Variants in CHAF1A observed in about 807,000 individuals in gnomAD.
CHAF1A encodes chromatin assembly factor 1 subunit A.
A neutral mutation model predicts 93.2 loss-of-function variants in CHAF1A; 5 were observed. The observed-to-expected ratio is 0.05, with a 90% confidence interval of 0.03 to 0.11. CHAF1A has a LOEUF of 0.11. Among genes scored for constraint, CHAF1A ranks in the 10% least tolerant of loss-of-function variants. CHAF1A has a pLI of 1.00. For missense variants in CHAF1A, 1,102 were observed against 1,259.9 expected (o/e 0.87, Z 1.90); for synonymous variants, 504 against 510.3 (o/e 0.99, Z 0.17).
chr19:4,445,782 G>A (rs999297813), downstream of CHAF1A: 19 of 1,246,822 alleles, frequency 1.5e-5, 1 homozygote, highest in South Asian at 9.0e-5. Flanking sequence ...CTCTCCCTCC[G>A]GGACTCCAGG....
At chr19:4,443,447 C>T (rs929300639), downstream of CHAF1A, 23 of 193,164 alleles carry the variant, frequency 1.2e-4, no homozygotes, top group African/African-American at 5.4e-4. Context: ...TGAGAGTGCA[C>T]CTTGCCCATG....
intron 4 of CHAF1A, 88 bp downstream of exon 4, chr19:4,418,164 T>C: frequency 2.3e-6 from 2 of 860,928 alleles, no homozygotes. Flanking sequence ...TCCTTTGGTC[T>C]AGTTTTTACA....
chr19:4,447,475 G>T, downstream of CHAF1A: 1 of 1,540,270 alleles, frequency 6.5e-7, no homozygotes, highest in Non-Finnish European at 9.0e-7. Context: ...CGCCTGGTGT[G>T]GGCCACCACC....
At chr19:4,424,898 G>C (rs2145112110) in intron 7 of CHAF1A, among the ~76,000 whole-genome samples, 1 of 152,180 alleles carries the variant, frequency 6.6e-6, no homozygotes, top group African/African-American at 2.4e-5. Flanking sequence ...GCCTCCCGAA[G>C]TGCCGGGATT....
chr19:4,441,194 G>C (rs1974382075), intron 13 of CHAF1A, among the ~76,000 whole-genome samples: 1 of 152,140 alleles, frequency 6.6e-6, no homozygotes, highest in South Asian at 2.1e-4. Flanking sequence ...GCAGGTGGCT[G>C]TAATCCCAGC....
downstream of CHAF1A, chr19:4,444,547 T>A (rs942234396): frequency 6.6e-6 from 1 of 152,634 alleles, no homozygotes; most frequent in African/African-American, 2.4e-5. Context: ...TTCACAGCCA[T>A]GCGCAGCCTC....
downstream of CHAF1A, among the ~76,000 whole-genome samples, chr19:4,443,640 G>A (rs549470805): frequency 2.0e-5 from 3 of 152,308 alleles, no homozygotes; most frequent in South Asian, 4.1e-4. Flanking sequence ...AGGAGAGGGT[G>A]TTCCCAGAGA....
intron 3 of CHAF1A, among the ~76,000 whole-genome samples, chr19:4,414,709 TCTG>T (rs1052136839): frequency 8.5e-5 from 13 of 152,188 alleles, no homozygotes; most frequent in African/African-American, 3.1e-4. Context: ...TTTTCTCAGT[TCTG>T]CTGTTTCTGT....
intron 4 of CHAF1A, among the ~76,000 whole-genome samples, chr19:4,421,918 C>T (rs1315507826): frequency 6.6e-6 from 1 of 152,128 alleles, no homozygotes; most frequent in Non-Finnish European, 1.5e-5. Context: ...CCTCAGCTCA[C>T]TGCACCCTAC....
At chr19:4,406,538 A>G (rs1973684439) in intron 2 of CHAF1A, among the ~76,000 whole-genome samples, 1 of 150,680 alleles carries the variant, frequency 6.6e-6, no homozygotes, top group African/African-American at 2.4e-5. Flanking sequence ...GGGTTCAAGC[A>G]ATTCTCCTCC....
Position 4,426,310 on chromosome 19 carries a change from A to G in CHAF1A, c.1378-2354A>G, listed in dbSNP as rs113651790. ...AGCCTCCCGAGTAGCTGGGACTACA[A>G]GCGCCCGCCACCATGCCCCGCTAAT... On this transcript the variant is annotated intron_variant, in intron 7 of 14. Coordinates refer to ENST00000301280, the MANE Select transcript of CHAF1A (RefSeq NM_005483.3). 8.9e-3 allele frequency among the ~76,000 whole-genome samples: 1,277 copies of G among 143,016 alleles called. 22 individuals are homozygous for G. The highest frequency in any genetic ancestry group is 0.032 in the African/African-American group (1,241 of 38,358). 93.8% of individuals were successfully genotyped at this position (143,016 alleles called of 152,430 possible). A position where few individuals can be genotyped will look rare whatever the true frequency, so the allele number is the denominator to read the frequency against.
At chr19:4,417,886 C>G (rs1034706763) in intron 3 of CHAF1A, 134 bp from the exon 4 acceptor site, 8 of 592,094 alleles carry the variant, frequency 1.4e-5, no homozygotes, top group Non-Finnish European at 1.8e-5. Flanking sequence ...TGTATGCACA[C>G]TTACTGGAGT....
chr19:4,426,013 T>C (rs1474258130), intron 7 of CHAF1A, among the ~76,000 whole-genome samples: 1 of 152,208 alleles, frequency 6.6e-6, no homozygotes, highest in Admixed American at 6.6e-5. Context: ...CCATTTTAGT[T>C]CTTCTATGAC....
Position 4,402,789 on chromosome 19 carries a change from G to A in CHAF1A, c.27G>A (p.Ala9=), listed in dbSNP as rs548890693. The part of the protein sequence containing the change: MLEELECG[A]PGARGAATAM... ...TGCTGGAGGAGCTGGAGTGCGGGGC[G>A]CCCGGCGCCAGGGGAGCCGCCACAG... is the stretch of plus-strand genomic sequence containing the variant. Residue 9 remains alanine, a synonymous_variant, in exon 1 of 15, where the codon GCG becomes GCA. Transcript: ENST00000301280. 2 of 1,205,196 alleles carry A rather than the reference G, an allele frequency of 1.7e-6. No homozygotes were observed. Among genetic ancestry groups the A allele is most frequent in the African/African-American group, 1.6e-5 (1 of 63,294 alleles). The allele number at this position is 1,205,196 out of a possible 1,614,324, so 74.7% of individuals were successfully genotyped here. A position where few individuals can be genotyped will look rare whatever the true frequency, so the allele number is the denominator to read the frequency against.
intron 10 of CHAF1A, 116 bp from the exon 11 acceptor site, chr19:4,430,433 C>G (rs913840996): frequency 1.5e-6 from 1 of 668,704 alleles, no homozygotes; most frequent in Non-Finnish European, 2.7e-6. Flanking sequence ...CCACCTCAGC[C>G]TCCCAAAGTG....
rs1211625768 is a variant in CHAF1A at position 4,433,329 on chromosome 19, C to T, written c.2463C>T (p.His821=). 2 of 1,613,938 alleles carry T rather than the reference C, an allele frequency of 1.2e-6. No individual in the cohort carries two copies. Among genetic ancestry groups the T allele is most frequent in the African/African-American group, 1.3e-5 (1 of 74,918 alleles). ...RPDFRMCWYV[H]PQVLQSFQQE... ...ACTTCAGGATGTGCTGGTACGTGCA[C>T]CCGCAGGTGCTACAGAGCTTCCAGC... Residue 821 remains histidine (H), a synonymous_variant, in exon 13 of 15, where the codon CAC becomes CAT. Transcript: ENST00000301280. This position sits in a 1 kb window ranked among gnomAD's most constrained non-coding sequence, Gnocchi z 5.6.
At position 4,443,369 on chromosome 19, in the gene CHAF1A, C is replaced by T; in HGVS notation, c.*344C>T. On this transcript the variant is annotated 3_prime_UTR_variant, in exon 15 of 15. Coordinates refer to ENST00000301280, the MANE Select transcript of CHAF1A (RefSeq NM_005483.3). Reference sequence around the variant, plus strand: ...GCGCGGGCCCCTGGACCTAACGAGGCAGTGTATAAACTTATTCTCTAGCCC... The same window carrying T: ...GCGCGGGCCCCTGGACCTAACGAGGTAGTGTATAAACTTATTCTCTAGCCC... 3.2e-6 allele frequency: 1 copy of T among 313,530 alleles called. No homozygotes were observed. The highest frequency in any genetic ancestry group is 6.1e-6 in the Non-Finnish European group (1 of 162,710). The allele number at this position is 313,530 out of a possible 1,614,324, so 19.4% of individuals were successfully genotyped here.
Position 4,409,677 on chromosome 19 carries a change from C to T in CHAF1A, c.878C>T (p.Thr293Ile). 1.2e-6 allele frequency: 2 copies of T among 1,614,210 alleles called. No individual in the cohort carries two copies. Among genetic ancestry groups the T allele is most frequent in the Non-Finnish European group, 1.7e-6 (2 of 1,180,040 alleles). ...TCGTCCCTGAGCTCTCCCTCTTCCA[C>T]CAGCTCGCCCGAGGGGCCGCCTGCT... The part of the protein sequence containing the change: ...SHSSLSSPSS[T>I]SSPEGPPAPP... Residue 293 changes from threonine (T) to isoleucine (I), a missense_variant, in exon 3 of 15, where the codon ACC (threonine) becomes ATC (isoleucine). Thr to Ile is a moderately conservative substitution (Grantham distance 89). Around this residue, in one of 6 missense-constraint regions of CHAF1A, gnomAD observed 379 missense variants for 365.7 expected, o/e 1.04. Transcript: ENST00000301280.
chr19:4,432,553 T>C (rs1237873210), intron 12 of CHAF1A, among the ~76,000 whole-genome samples: 6 of 151,922 alleles, frequency 3.9e-5, no homozygotes, highest in African/African-American at 1.2e-4. Context: ...TTGAGCCTAG[T>C]GCTTCGACAC....
Sources: allele counts gnomAD v4.1 joint callset (sites outside exome capture counted in the v4.1 genomes callset), GRCh38; gene constraint gnomAD v4.1.1; regional missense constraint gnomAD v4.1.1; non-coding constraint Gnocchi (gnomAD v3.1); transcripts MANE v1.5; gene names NCBI Gene and HGNC (gene_info 2026-07-23, HGNC 2026-07-21).